DENND1A: variants seen among roughly 807,000 people sequenced by gnomAD.
DENND1A encodes DENN domain-containing protein 1A.
Under a neutral mutation model 113.7 loss-of-function variants are expected in DENND1A, and 51 were observed. That is an observed-to-expected ratio of 0.45 (90% CI 0.36 to 0.57). The LOEUF is 0.57. Among genes scored for constraint, DENND1A ranks in the 20% least tolerant of loss-of-function variants. The pLI, the probability that DENND1A is intolerant of heterozygous loss-of-function variation, is 0.00. For missense variants in DENND1A, 1,258 were observed against 1,395.9 expected, an observed-to-expected ratio of 0.90 and a Z score of 1.57; for synonymous variants, 565 against 570.8, an observed-to-expected ratio of 0.99 and a Z score of 0.14.
chr9:123,507,448 C>A (rs2053053185), intron 13 of DENND1A, among the ~76,000 whole-genome samples: 1 of 152,180 alleles, frequency 6.6e-6, no homozygotes. Flanking sequence ...CAGACCAACT[C>A]ATTCATTAGG....
intron 5 of DENND1A, among the ~76,000 whole-genome samples, chr9:123,680,948 A>T (rs946116029): frequency 6.6e-6 from 1 of 152,172 alleles, no homozygotes. Context: ...CATCAGACTC[A>T]GGTGAGGGGA....
intron 5 of DENND1A, among the ~76,000 whole-genome samples, chr9:123,739,939 G>T (rs955223558): frequency 3.3e-5 from 5 of 149,886 alleles, no homozygotes; most frequent in Admixed American, 6.6e-5. Context: ...AAAAAAAAAG[G>T]CTTCATATAA....
intron 13 of DENND1A, among the ~76,000 whole-genome samples, chr9:123,552,008 A>C (rs537129171): frequency 0.018 from 2,604 of 141,446 alleles, 70 homozygotes; most frequent in African/African-American, 0.068. Context: ...AGAGCGAGAG[A>C]GAGCGAGAGC....
chr9:123,611,573 A>C (rs1265562300), intron 10 of DENND1A, among the ~76,000 whole-genome samples: 1 of 152,178 alleles, frequency 6.6e-6, no homozygotes, highest in East Asian at 1.9e-4. Context: ...GCACAGCCTA[A>C]CACATAGAAG....
chr9:123,475,024 AT>A (rs56761169), intron 13 of DENND1A, among the ~76,000 whole-genome samples: 17,430 of 151,888 alleles, frequency 0.11, 1,393 homozygotes, highest in Non-Finnish European at 0.18. Context: ...TTTTTAATTA[AT>A]TTATTTTTTT....
chr9:123,755,425 T>G (rs2070450658), intron 5 of DENND1A, among the ~76,000 whole-genome samples: 1 of 151,188 alleles, frequency 6.6e-6, no homozygotes, highest in Non-Finnish European at 1.5e-5. Context: ...ATTACAGGAG[T>G]GAGCCCACAT....
At chr9:123,706,699 AG>A (rs2066226798) in intron 5 of DENND1A, among the ~76,000 whole-genome samples, 1 of 129,670 alleles carries the variant, frequency 7.7e-6, no homozygotes, top group Admixed American at 9.5e-5. Flanking sequence ...TGAACCCAGG[AG>A]GGGGAGCTTG....
chr9:123,402,015 G>A, intron 21 of DENND1A: 2 of 1,492,450 alleles, frequency 1.3e-6, no homozygotes, highest in Non-Finnish European at 9.2e-7. Context: ...GTTTTAAAGA[G>A]GGGACTTCAA....
At chr9:123,584,022 G>A (rs1426446405) in intron 11 of DENND1A, among the ~76,000 whole-genome samples, 2 of 152,134 alleles carry the variant, frequency 1.3e-5, no homozygotes, top group Admixed American at 6.5e-5. Context: ...TCCAAGACAG[G>A]GTGTAGCCTG....
At chr9:123,706,526 C>A (rs2066211789) in intron 5 of DENND1A, among the ~76,000 whole-genome samples, 1 of 151,664 alleles carries the variant, frequency 6.6e-6, no homozygotes, top group African/African-American at 2.4e-5. Context: ...AATCCCAGCA[C>A]TTTGGGAGGC....
chr9:123,634,286 A>C (rs2061606947), intron 9 of DENND1A, among the ~76,000 whole-genome samples: 1 of 152,230 alleles, frequency 6.6e-6, no homozygotes, highest in Non-Finnish European at 1.5e-5. Context: ...CTAAGGGCCA[A>C]ATTTCTGCAA....
intron 19 of DENND1A, among the ~76,000 whole-genome samples, chr9:123,421,411 C>T (rs1053519788): frequency 2.6e-5 from 4 of 152,032 alleles, no homozygotes; most frequent in African/African-American, 4.8e-5. Context: ...CCAGGAGACC[C>T]GACATACCAA....
intron 1 of DENND1A, among the ~76,000 whole-genome samples, chr9:123,903,778 G>A (rs4289915): frequency 0.078 from 11,797 of 152,192 alleles, 757 homozygotes; most frequent in African/African-American, 0.18. Context: ...ACAGCAAGGC[G>A]GCAGCGAGGC....
intron 4 of DENND1A, among the ~76,000 whole-genome samples, chr9:123,768,221 G>A (rs1168751870): frequency 6.6e-6 from 1 of 152,116 alleles, no homozygotes; most frequent in Middle Eastern, 3.2e-3. Context: ...TACTATAATG[G>A]TTGATTGGCT....
intron 11 of DENND1A, among the ~76,000 whole-genome samples, chr9:123,590,137 C>T (rs1401663460): frequency 6.6e-6 from 1 of 152,242 alleles, no homozygotes; most frequent in East Asian, 1.9e-4. Flanking sequence ...AGACCTCAGC[C>T]ATGCCTGGCT....
At position 123,503,646 on chromosome 9, in the gene DENND1A, T is replaced by G. The variant is rs1015439508; in HGVS notation, c.994-45749A>C. ...GAAATGTACCCTGAAAAACTTCAAG[T>G]GCAACTAGCTGTCTAATGCCTGATA... On this transcript the variant is annotated intron_variant, in intron 13 of 23. Coordinates refer to ENST00000394215, the MANE Select transcript of DENND1A (RefSeq NM_001352964.2). Among the ~76,000 whole-genome samples, 8 of 152,242 alleles carry G rather than the reference T, an allele frequency of 5.3e-5. No homozygotes were observed. In the South Asian group the frequency reaches 1.2e-3, roughly 24 times the overall value.
chr9:123,606,710 T>C (rs892933856), intron 11 of DENND1A, among the ~76,000 whole-genome samples: 1 of 152,234 alleles, frequency 6.6e-6, no homozygotes, highest in Non-Finnish European at 1.5e-5. Context: ...TCAACGCTTC[T>C]TTTCACAAAG....
At chr9:123,639,346 C>T (rs146616404) in intron 9 of DENND1A, among the ~76,000 whole-genome samples, 10 of 146,998 alleles carry the variant, frequency 6.8e-5, no homozygotes, top group Non-Finnish European at 8.9e-5. Context: ...GGCTGAGGCA[C>T]GAGTATCAGT....
intron 5 of DENND1A, among the ~76,000 whole-genome samples, chr9:123,682,062 G>A (rs1272344450): frequency 1.3e-5 from 2 of 152,194 alleles, no homozygotes; most frequent in Admixed American, 1.3e-4. Flanking sequence ...GAACCAGGTG[G>A]GAAGTAATTC....
Sources: allele counts gnomAD v4.1 joint callset (sites outside exome capture counted in the v4.1 genomes callset), GRCh38; gene constraint gnomAD v4.1.1; transcripts MANE v1.5; gene names NCBI Gene and HGNC (gene_info 2026-07-23, HGNC 2026-07-21).